Variants in FBLN1 observed in about 807,000 individuals in gnomAD.
The protein encoded by FBLN1 is fibulin 1.
FBLN1 carries 34 observed loss-of-function variants against 89.7 expected under a neutral mutation model. That is an observed-to-expected ratio of 0.38 (90% CI 0.29 to 0.50). The LOEUF is 0.50. Ranked by LOEUF, FBLN1 falls within the 20% of genes least tolerant of loss-of-function variation. The pLI is 0.92. For missense variants in FBLN1, 777 were observed against 988.1 expected (o/e 0.79, Z 2.86); for synonymous variants, 393 against 391.3 (o/e 1.00, Z -0.05).
In FBLN1 at chr22:45,580,911, G is replaced by A. The variant is rs2089036889; in HGVS notation, c.1972+3803G>A. Among the ~76,000 whole-genome samples the A allele has an allele frequency of 6.6e-6, 1 of 152,224 alleles. No individual in the cohort carries two copies. ...AGGAGCCCGCAGCAGGGCCCGCGCC[G>A]TCGTCTTTGTAAAGCCCCCTTGCAT... On this transcript the variant is annotated intron_variant, in intron 16 of 16. Transcript: ENST00000327858. The surrounding 1 kb of genome is among the most constrained non-coding windows in gnomAD (Gnocchi z 8.6).
intron 8 of FBLN1, among the ~76,000 whole-genome samples, chr22:45,539,949 A>G (rs549296315): frequency 3.3e-5 from 5 of 152,322 alleles, no homozygotes; most frequent in African/African-American, 1.2e-4. Flanking sequence ...GGGGCCACCC[A>G]GCTGTTTCTC....
chr22:45,576,816 C>T lies in FBLN1; in HGVS notation c.1841-161C>T, dbSNP rs1420469399. On this transcript the variant is annotated intron_variant, in intron 15 of 16. Transcript: ENST00000327858. The surrounding 1 kb of genome is among the most constrained non-coding windows in gnomAD (Gnocchi z 5.2). ...TGATATAGGAAGGTCCAGACCCCTC[C>T]ACCCTCCCCACACAGGGGATCTCTG... Among the ~76,000 whole-genome samples the T allele has an allele frequency of 6.6e-6, 1 of 152,194 alleles. No homozygotes were observed. The highest frequency in any genetic ancestry group is 1.5e-5 in the Non-Finnish European group (1 of 68,030).
chr22:45,548,468 A>G (rs993538256), intron 12 of FBLN1, 145 bp from the exon 13 acceptor site: 12 of 1,076,648 alleles, frequency 1.1e-5, no homozygotes, highest in Non-Finnish European at 1.6e-5. Flanking sequence ...TCTGAGCACG[A>G]TGGTCTCTGA....
At chr22:45,564,694 TCCAGAA>T (rs1241276824) in intron 14 of FBLN1, among the ~76,000 whole-genome samples, 1 of 152,218 alleles carries the variant, frequency 6.6e-6, no homozygotes, top group Non-Finnish European at 1.5e-5. Context: ...TTCCGCACCT[TCCAGAA>T]GGCTCTGTGA....
chr22:45,570,319 C>CAAAAAAAAAAAAAAAAA (rs761469854), intron 14 of FBLN1, among the ~76,000 whole-genome samples: 5 of 36,432 alleles, frequency 1.4e-4, no homozygotes, highest in Admixed American at 3.6e-4. Flanking sequence ...GACTCTGTCT[C>CAAAAAAAAAAAAAAAAA]AAAAAAAAAA....
rs2088683334 is a variant in FBLN1 at position 45,550,171 on chromosome 22, G to T, written c.1574-321G>T. On this transcript the variant is annotated intron_variant, in intron 13 of 16. Coordinates refer to ENST00000327858, the MANE Select transcript of FBLN1 (RefSeq NM_006486.3). This position sits in a 1 kb window ranked among gnomAD's most constrained non-coding sequence, Gnocchi z 8.4. ...TAAAATGAGGATCATAACAGTATCT[G>T]CCTCATTGAGTTCTTAGGAGGATTC... Among the ~76,000 whole-genome samples, 1 of 152,170 alleles carries T rather than the reference G, an allele frequency of 6.6e-6. No homozygotes were observed. The highest frequency in any genetic ancestry group is 1.5e-5 in the Non-Finnish European group (1 of 68,030).
chr22:45,513,137 A>G (rs549073163), intron 1 of FBLN1, among the ~76,000 whole-genome samples: 3 of 152,320 alleles, frequency 2.0e-5, no homozygotes, highest in African/African-American at 7.2e-5. Flanking sequence ...ACTGCATGAA[A>G]ACAACATTGA....
intron 16 of FBLN1, among the ~76,000 whole-genome samples, chr22:45,584,694 A>C (rs1394778167): frequency 1.3e-5 from 2 of 150,962 alleles, no homozygotes; most frequent in African/African-American, 2.5e-5. Context: ...GGGAGGAAGA[A>C]GTTTGGAAAT....
Position 45,575,165 on chromosome 22 carries a change from C to T in FBLN1, c.1840+512C>T, listed in dbSNP as rs746156284. Among the ~76,000 whole-genome samples, 3 of 152,086 alleles carry T rather than the reference C, an allele frequency of 2.0e-5. No individual in the cohort carries two copies. Among genetic ancestry groups the T allele is most frequent in the African/African-American group, 4.8e-5 (2 of 41,428 alleles). ...AGCATTTGGCCCATTCTCAGCTTTC[C>T]GTTCAGGTGGTCTTTTCTTATGGGT... On this transcript the variant is annotated intron_variant, in intron 15 of 16. Coordinates refer to ENST00000327858, the MANE Select transcript of FBLN1 (RefSeq NM_006486.3). This position sits in a 1 kb window ranked among gnomAD's most constrained non-coding sequence, Gnocchi z 6.3.
chr22:45,600,443 C>T lies in FBLN1; in HGVS notation c.2109C>T (p.Phe703=). 6.2e-7 allele frequency: 1 copy of T among 1,614,194 alleles called. No homozygotes were observed. ...ACATCTTCGTCTCTGAGTACTGGTT[C>T]TGAGGGCTGGTCTGCCGCACAGCCG... The part of the protein sequence containing the change: ...NVHIFVSEYW[F] Residue 703 remains phenylalanine, a synonymous_variant, in exon 17 of 17, where the codon TTC becomes TTT. Coordinates refer to ENST00000327858, the MANE Select transcript of FBLN1 (RefSeq NM_006486.3).
chr22:45,506,285 C>G (rs1186580936), intron 1 of FBLN1, among the ~76,000 whole-genome samples: 1 of 152,208 alleles, frequency 6.6e-6, no homozygotes, highest in African/African-American at 2.4e-5. Context: ...ACTGAATTTC[C>G]CAGCCAGGCG....
At chr22:45,543,910 C>G (rs914353733) in intron 11 of FBLN1, among the ~76,000 whole-genome samples, 1 of 152,320 alleles carries the variant, frequency 6.6e-6, no homozygotes, top group Middle Eastern at 3.4e-3. Flanking sequence ...AAACTGGACA[C>G]TTGTTTTGCA....
At position 45,545,806 on chromosome 22, in the gene FBLN1, G is replaced by A. The variant is rs890618928; in HGVS notation, c.1322-1279G>A. On this transcript the variant is annotated intron_variant, in intron 11 of 16. Transcript: ENST00000327858. The surrounding 1 kb of genome is among the most constrained non-coding windows in gnomAD (Gnocchi z 5.9). ...TCCAGCCACAATCTCTGTTGCAACC[G>A]CTGAACTCTGCTGTGGTAGCAGAGA... Among the ~76,000 whole-genome samples the A allele has an allele frequency of 1.3e-4, 20 of 152,158 alleles. No individual in the cohort carries two copies. The highest frequency in any genetic ancestry group is 2.6e-4 in the Admixed American group (4 of 15,282).
chr22:45,595,669 C>T (rs1271112342), intron 16 of FBLN1, among the ~76,000 whole-genome samples: 1 of 152,304 alleles, frequency 6.6e-6, no homozygotes, highest in Non-Finnish European at 1.5e-5. Context: ...TTTCCTCTCT[C>T]ATAAATCAGT....
intron 14 of FBLN1, chr22:45,565,039 G>T: frequency 6.2e-7 from 1 of 1,610,558 alleles, no homozygotes; most frequent in South Asian, 1.1e-5. Context: ...ACCTTGCGCT[G>T]AGCAGCTGTG....
At chr22:45,552,856 G>T (rs2088722423) in intron 14 of FBLN1, among the ~76,000 whole-genome samples, 1 of 143,604 alleles carries the variant, frequency 7.0e-6, no homozygotes, top group Admixed American at 7.1e-5. Flanking sequence ...CTGCCCGCAG[G>T]AGGAAGTGTG....
At chr22:45,540,063 C>T (rs1222389591) in intron 8 of FBLN1, among the ~76,000 whole-genome samples, 1 of 152,192 alleles carries the variant, frequency 6.6e-6, no homozygotes, top group Non-Finnish European at 1.5e-5. Flanking sequence ...ACAGAGTGGG[C>T]CTGGTTGCAC....
Position 45,525,231 on chromosome 22 carries a change from AAAAG to A in FBLN1, c.186-302_186-299del, listed in dbSNP as rs1406664019. 1.3e-4 allele frequency among the ~76,000 whole-genome samples: 20 copies of A among 152,236 alleles called. No homozygotes were observed. The East Asian group carries it at 3.7e-3, about 28-fold the overall frequency. On this transcript the variant is annotated intron_variant, in intron 2 of 16. Transcript: ENST00000327858. ...AGAAAGAAAGAGAGAAAAAGAAAAG[AAAAG>A]AAAGAAAGAGGGTCTTACCATGTTG...
intron 16 of FBLN1, among the ~76,000 whole-genome samples, chr22:45,596,822 TATA>T (rs58573752): frequency 0.29 from 42,782 of 146,586 alleles, 9,015 homozygotes; most frequent in African/African-American, 0.6. Context: ...AATATAATTA[TATA>T]ATAATTATAT....
Sources: allele counts gnomAD v4.1 joint callset (sites outside exome capture counted in the v4.1 genomes callset), GRCh38; gene constraint gnomAD v4.1.1; non-coding constraint Gnocchi (gnomAD v3.1); transcripts MANE v1.5; gene names NCBI Gene and HGNC (gene_info 2026-07-23, HGNC 2026-07-21).